NRXN3: variants seen among roughly 807,000 people sequenced by gnomAD.
The protein encoded by NRXN3 is neurexin III.
NRXN3 carries 32 observed loss-of-function variants against 137.6 expected under a neutral mutation model. The ratio of observed to expected loss-of-function variants is 0.23; its 90% confidence interval spans 0.18 to 0.31. The LOEUF (loss-of-function observed/expected upper bound fraction) is 0.31, where lower values mean the gene tolerates loss of function less well. Among genes scored for constraint, NRXN3 ranks in the 10% least tolerant of loss-of-function variants. The pLI is 1.00. For missense variants in NRXN3, 1,574 were observed against 2,062.5 expected (o/e 0.76, Z 4.59); for synonymous variants, 798 against 784.5 (o/e 1.02, Z -0.29).
intron 4 of NRXN3, among the ~76,000 whole-genome samples, chr14:78,432,167 G>A (rs528941538): frequency 6.6e-6 from 1 of 152,128 alleles, no homozygotes; most frequent in Non-Finnish European, 1.5e-5. Context: ...CCTAACGTTG[G>A]CATATTCAGA....
At chr14:79,007,667 G>A (rs2099556082) in intron 15 of NRXN3, among the ~76,000 whole-genome samples, 1 of 151,656 alleles carries the variant, frequency 6.6e-6, no homozygotes, top group Non-Finnish European at 1.5e-5. Context: ...TTAGCCAGGT[G>A]TGGTGGTGGG....
At chr14:79,583,772 G>C (rs1156414586) in intron 16 of NRXN3, among the ~76,000 whole-genome samples, 1 of 152,104 alleles carries the variant, frequency 6.6e-6, no homozygotes, top group Non-Finnish European at 1.5e-5. Context: ...TACATCTTTG[G>C]AATACTGAGA....
chr14:78,485,244 T>C (rs1296485785), intron 4 of NRXN3, among the ~76,000 whole-genome samples: 1 of 152,174 alleles, frequency 6.6e-6, no homozygotes, highest in African/African-American at 2.4e-5. Context: ...GTCCCCCGGT[T>C]GGGAGATTCA....
chr14:78,173,995 G>C lies in NRXN3; in HGVS notation c.-704+3321G>C, dbSNP rs1208150593. 3.3e-5 allele frequency among the ~76,000 whole-genome samples: 5 copies of C among 151,876 alleles called. No individual in the cohort carries two copies. The East Asian group carries it at 9.7e-4, about 30-fold the overall frequency. On this transcript the variant is annotated intron_variant, in intron 1 of 20. Coordinates refer to ENST00000335750, the MANE Select transcript of NRXN3 (RefSeq NM_001330195.2). Reference sequence around the variant, plus strand: ...AGCCTCTTTTCCTCTCCGCAACCGCGGTCTTCTTTCTTCTCGCCATTATTC... The same window carrying C: ...AGCCTCTTTTCCTCTCCGCAACCGCCGTCTTCTTTCTTCTCGCCATTATTC...
intron 4 of NRXN3, among the ~76,000 whole-genome samples, chr14:78,503,059 C>A (rs901834336): frequency 2.6e-5 from 4 of 152,156 alleles, no homozygotes; most frequent in Non-Finnish European, 5.9e-5. Context: ...TTATATTAAA[C>A]ATCACTGGCA....
chr14:78,633,094 T>TA (rs2097535762), intron 4 of NRXN3, among the ~76,000 whole-genome samples: 1 of 142,320 alleles, frequency 7.0e-6, no homozygotes, highest in African/African-American at 2.5e-5. Context: ...AAATAAAAAA[T>TA]TAAAAAAAAA....
intron 15 of NRXN3, among the ~76,000 whole-genome samples, chr14:79,020,862 T>TACACAC (rs3035451): frequency 0.45 from 64,602 of 144,894 alleles, 14,781 homozygotes; most frequent in East Asian, 0.54. Context: ...GCTTGCATTT[T>TACACAC]ACACACACAC....
chr14:78,803,698 A>T lies in NRXN3; in HGVS notation c.2123A>T (p.Asp708Val), dbSNP rs2098846337. ...MPMVMHTEAE[D>V]VSFRFMSQRA... ...ATGGTCATGCATACTGAGGCAGAGG[A>T]TGTGTCCTTCCGCTTCATGTCCCAG... Residue 708 changes from aspartate to valine, a missense_variant, in exon 9 of 21, where the codon GAT (aspartate) becomes GTT (valine). Physicochemically the swap from Asp to Val is radical, Grantham distance 152 (BLOSUM62 -3). This residue lies in a region of NRXN3 where 718 missense variants were observed against 887.6 expected (regional missense o/e 0.81). Coordinates refer to ENST00000335750, the MANE Select transcript of NRXN3 (RefSeq NM_001330195.2). The T allele has an allele frequency of 1.2e-6, 2 of 1,614,108 alleles. No individual in the cohort carries two copies. The highest frequency in any genetic ancestry group is 1.1e-5 in the South Asian group (1 of 91,082).
chr14:78,919,332 A>G (rs1045643115), intron 10 of NRXN3, among the ~76,000 whole-genome samples: 1 of 152,194 alleles, frequency 6.6e-6, no homozygotes, highest in Admixed American at 6.5e-5. Flanking sequence ...TGGCACCAAA[A>G]CACTAAGCAT....
chr14:78,225,974 G>GTGTGTGTTGGTGT (rs1394081828), intron 1 of NRXN3, among the ~76,000 whole-genome samples: 6 of 123,632 alleles, frequency 4.9e-5, no homozygotes, highest in Non-Finnish European at 8.5e-5. Flanking sequence ...TGTGTGTGTT[G>GTGTGTGTTGGTGT]GTGTGTGTGT....
At chr14:79,237,080 GTT>G (rs778317264) in intron 15 of NRXN3, among the ~76,000 whole-genome samples, 2 of 144,368 alleles carry the variant, frequency 1.4e-5, no homozygotes. Flanking sequence ...TCACAAGGGT[GTT>G]TTTTTTTTTT....
chr14:78,876,697 G>A (rs528691690), intron 10 of NRXN3, among the ~76,000 whole-genome samples: 1 of 152,290 alleles, frequency 6.6e-6, no homozygotes, highest in Middle Eastern at 3.4e-3. Context: ...CTTATCAAAT[G>A]TGTGATCCCA....
Position 78,436,876 on chromosome 14 carries a change from C to T in NRXN3, c.757+139016C>T, listed in dbSNP as rs151275976. ...GCTCTTATGTGCAGGGCAACATGCTCAGTGCTTCCTGTGGGTTATTTCATG... is the reference window on the plus strand; with the variant it reads ...GCTCTTATGTGCAGGGCAACATGCTTAGTGCTTCCTGTGGGTTATTTCATG... On this transcript the variant is annotated intron_variant, in intron 4 of 20. Transcript: ENST00000335750. 3.3e-5 allele frequency among the ~76,000 whole-genome samples: 5 copies of T among 152,292 alleles called. No individual in the cohort carries two copies. The East Asian group carries it at 9.6e-4, about 29-fold the overall frequency.
At chr14:78,741,804 G>C (rs1030680744) in intron 8 of NRXN3, among the ~76,000 whole-genome samples, 4 of 152,016 alleles carry the variant, frequency 2.6e-5, no homozygotes, top group South Asian at 2.1e-4. Context: ...TGGTACCCTT[G>C]GACTCAGCTT....
chr14:79,205,463 A>T (rs1034705236), intron 15 of NRXN3, among the ~76,000 whole-genome samples: 1 of 152,204 alleles, frequency 6.6e-6, no homozygotes, highest in African/African-American at 2.4e-5. Context: ...CTGCCTAAAA[A>T]GTTTGTTACT....
At chr14:79,026,393 T>C (rs756815900) in intron 15 of NRXN3, among the ~76,000 whole-genome samples, 1 of 152,114 alleles carries the variant, frequency 6.6e-6, no homozygotes, top group African/African-American at 2.4e-5. Context: ...AGAGTTACTG[T>C]GATGATTAAA....
chr14:79,682,338 T>C lies in NRXN3; in HGVS notation c.3617-9835T>C, dbSNP rs1434719816. On this transcript the variant is annotated intron_variant, in intron 17 of 20. Coordinates refer to ENST00000335750, the MANE Select transcript of NRXN3 (RefSeq NM_001330195.2). ...CCATGTTGCAGTTCTCACAAACAAATCAATTTGAATTAATTTGCCAAGTAG... is the reference window on the plus strand; with the variant it reads ...CCATGTTGCAGTTCTCACAAACAAACCAATTTGAATTAATTTGCCAAGTAG... Among the ~76,000 whole-genome samples the C allele has an allele frequency of 2.0e-5, 3 of 152,246 alleles. No homozygotes were observed. The East Asian group carries it at 5.8e-4, about 30-fold the overall frequency.
intron 15 of NRXN3, among the ~76,000 whole-genome samples, chr14:79,448,502 T>C (rs377614195): frequency 3.2e-4 from 48 of 152,272 alleles, no homozygotes; most frequent in African/African-American, 8.4e-4. Flanking sequence ...GGGTCTAGCA[T>C]ATAGAAGGAG....
chr14:78,862,271 AATAG>A (rs1309513183), intron 10 of NRXN3, among the ~76,000 whole-genome samples: 1 of 148,912 alleles, frequency 6.7e-6, no homozygotes, highest in South Asian at 2.1e-4. Flanking sequence ...TAGATAGATA[AATAG>A]ATAGATAGAT....
Sources: allele counts gnomAD v4.1 joint callset (sites outside exome capture counted in the v4.1 genomes callset), GRCh38; gene constraint gnomAD v4.1.1; regional missense constraint gnomAD v4.1.1; transcripts MANE v1.5; gene names NCBI Gene and HGNC (gene_info 2026-07-23, HGNC 2026-07-21).